The following OSBPL5 variants were observed in gnomAD, a reference collection of about 807,000 sequenced individuals.
OSBPL5 encodes the protein oxysterol-binding protein-related protein 5.
A neutral mutation model predicts 111.2 loss-of-function variants in OSBPL5; 71 were observed. The observed-to-expected ratio is 0.64, with a 90% confidence interval of 0.53 to 0.78. The LOEUF is 0.78. Among genes scored for constraint, OSBPL5 ranks in the 30% least tolerant of loss-of-function variants. The probability of loss-of-function intolerance (pLI) is 0.00; values close to 1 mark genes in which losing one functional copy is unlikely to be tolerated. For synonymous variants in OSBPL5, 549 were observed against 513.9 expected (o/e 1.07, Z -0.93); for missense variants, 1,210 against 1,189.3 (o/e 1.02, Z -0.26).
chr11:3,141,449 C>A lies in OSBPL5; in HGVS notation c.-21-12280G>T, dbSNP rs1247940532. ...CTCAGAACAGAGCTTCCAGAAGGGC[C>A]CCCAATCTGTCTCTCAGGAAATGGG... On this transcript the variant is annotated intron_variant, in intron 1 of 21. Coordinates refer to ENST00000263650, the MANE Select transcript of OSBPL5 (RefSeq NM_020896.4). This position sits in a 1 kb window ranked among gnomAD's most constrained non-coding sequence, Gnocchi z 6.5. 2.6e-5 allele frequency among the ~76,000 whole-genome samples: 4 copies of A among 152,096 alleles called. No homozygotes were observed. Among genetic ancestry groups the A allele is most frequent in the Admixed American group, 6.6e-5 (1 of 15,266 alleles).
At chr11:3,134,762 C>T (rs2134495267) in intron 1 of OSBPL5, among the ~76,000 whole-genome samples, 1 of 139,584 alleles carries the variant, frequency 7.2e-6, no homozygotes, top group East Asian at 2.2e-4. Flanking sequence ...GCTTCAGCTG[C>T]GTGAGTGGGT....
intron 1 of OSBPL5, among the ~76,000 whole-genome samples, chr11:3,152,399 G>A (rs1846619594): frequency 6.6e-6 from 1 of 152,216 alleles, no homozygotes. Context: ...AGGTGACACT[G>A]GATTGCCAAG....
At position 3,103,213 on chromosome 11, in the gene OSBPL5, A is replaced by C. The variant is rs114966390; in HGVS notation, c.1326+26T>G. 6.5e-3 allele frequency: 10,314 copies of C among 1,575,660 alleles called. 583 individuals are homozygous for C. The African/African-American group carries it at 0.12, about 19-fold the overall frequency. ...AGACAGACTCCTGGGCCGGAGCCCC[A>C]CCCTCCCTGGCTGGCAGGGGCTCAC... On this transcript the variant is annotated intron_variant, in intron 11 of 21. Coordinates refer to ENST00000263650, the MANE Select transcript of OSBPL5 (RefSeq NM_020896.4).
At chr11:3,093,923 C>G (rs1039546822) in intron 15 of OSBPL5, 88 bp from the exon 16 acceptor site, 6 of 1,475,114 alleles carry the variant, frequency 4.1e-6, no homozygotes, top group Non-Finnish European at 5.5e-6. Context: ...AACAGTTATT[C>G]TCTTGGGGTG....
intron 1 of OSBPL5, among the ~76,000 whole-genome samples, chr11:3,153,976 C>T (rs959837763): frequency 6.6e-6 from 1 of 152,256 alleles, no homozygotes; most frequent in Admixed American, 6.5e-5. Flanking sequence ...TACCGGCTCC[C>T]CAACAGCGCC....
At chr11:3,124,807 GATGA>G (rs1225015371) in intron 3 of OSBPL5, among the ~76,000 whole-genome samples, 3 of 142,018 alleles carry the variant, frequency 2.1e-5, no homozygotes, top group African/African-American at 8.1e-5. Context: ...TGAATGAATG[GATGA>G]ATGGATGGAT....
At position 3,102,156 on chromosome 11, in the gene OSBPL5, G is replaced by C. The variant is rs758267589; in HGVS notation, c.1425+27C>G. The stretch of plus-strand genomic sequence containing the variant: ...CCCGCCCCATAGAGCCCAGCACCCA[G>C]GCCGGTTGCAGCAGAGGTGCTCTTG... On this transcript the variant is annotated intron_variant, in intron 12 of 21. Coordinates refer to ENST00000263650, the MANE Select transcript of OSBPL5 (RefSeq NM_020896.4). The C allele has an allele frequency of 6.4e-6, 10 of 1,564,024 alleles. No individual in the cohort carries two copies. The Admixed American group carries it at 1.9e-4, about 30-fold the overall frequency.
chr11:3,103,716 AG>A lies in OSBPL5; in HGVS notation c.1245-397del, dbSNP rs1300457187. On this transcript the variant is annotated intron_variant, in intron 10 of 21. Coordinates refer to ENST00000263650, the MANE Select transcript of OSBPL5 (RefSeq NM_020896.4). ...CCTTCCAGCCTGCGTACCCCCTTCC[AG>A]GCTCTGCTGCCCCTTCCTGCCTCTG... Among the ~76,000 whole-genome samples, 155 of 105,950 alleles carry A rather than the reference AG, an allele frequency of 1.5e-3. 5 individuals are homozygous for A. Among genetic ancestry groups the A allele is most frequent in the South Asian group, 3.6e-3 (11 of 3,062 alleles). 69.5% of individuals were successfully genotyped at this position (105,950 alleles called of 152,430 possible). A position where few individuals can be genotyped will look rare whatever the true frequency, so the allele number is the denominator to read the frequency against.
At chr11:3,117,875 G>A (rs1858265308) in intron 7 of OSBPL5, among the ~76,000 whole-genome samples, 1 of 152,092 alleles carries the variant, frequency 6.6e-6, no homozygotes, top group Non-Finnish European at 1.5e-5. Flanking sequence ...ACATACATAA[G>A]CCACTTTCTT....
rs115300491 is a variant in OSBPL5 at position 3,101,354 on chromosome 11, T to C, written c.1522+249A>G. ...CTCAGCCCCAGTCCGCACCTTTCCA[T>C]GTAGGTGCCCTCTCTCAGTCCCCAC... On this transcript the variant is annotated intron_variant, in intron 13 of 21. Coordinates refer to ENST00000263650, the MANE Select transcript of OSBPL5 (RefSeq NM_020896.4). Among the ~76,000 whole-genome samples, 945 of 152,272 alleles carry C rather than the reference T, an allele frequency of 6.2e-3. 9 individuals are homozygous for C. Among genetic ancestry groups the C allele is most frequent in the African/African-American group, 0.022 (898 of 41,552 alleles).
chr11:3,122,256 C>T, intron 4 of OSBPL5, 92 bp downstream of exon 4: 1 of 1,441,336 alleles, frequency 6.9e-7, no homozygotes, highest in South Asian at 1.3e-5. Context: ...TTTGTCCCCT[C>T]CTTTTGACAG....
At chr11:3,128,525 A>G (rs1321589905) in intron 2 of OSBPL5, among the ~76,000 whole-genome samples, 2 of 152,154 alleles carry the variant, frequency 1.3e-5, no homozygotes, top group Admixed American at 6.5e-5. Flanking sequence ...CTTTATCTAC[A>G]ATTGCACGAA....
intron 1 of OSBPL5, chr11:3,164,479 G>A (rs1445741617): frequency 6.6e-6 from 1 of 152,612 alleles, no homozygotes; most frequent in African/African-American, 2.4e-5. Context: ...TTGCCCGGGG[G>A]GCTGCAGACT....
chr11:3,101,688 G>A lies in OSBPL5; in HGVS notation c.1437C>T (p.His479=). Residue 479 remains histidine, a synonymous_variant, in exon 13 of 22, where the codon CAC becomes CAT. Transcript: ENST00000263650. ...TFYIAEQVSH[H]PPVSAFHVSN... ...TGACGTGGAAGGCAGACACGGGCGG[G>A]TGGTGGGACACCTGCGTGCAGGGAG... The A allele has an allele frequency of 6.2e-7, 1 of 1,613,708 alleles. No individual in the cohort carries two copies. The highest frequency in any genetic ancestry group is 1.1e-5 in the South Asian group (1 of 91,084).
intron 17 of OSBPL5, chr11:3,093,269 C>T (rs1857127277): frequency 5.4e-6 from 4 of 738,962 alleles, no homozygotes; most frequent in Admixed American, 3.0e-5. Flanking sequence ...CTGCAGGGAC[C>T]TCCCTGTGCA....
intron 7 of OSBPL5, among the ~76,000 whole-genome samples, chr11:3,112,000 T>TGC (rs1554898165): frequency 8.6e-6 from 1 of 116,298 alleles, no homozygotes; most frequent in Non-Finnish European, 2.0e-5. Context: ...TGTGCATGTG[T>TGC]GTGTGTGTGC....
At chr11:3,095,248 T>C (rs1418120448) in intron 14 of OSBPL5, among the ~76,000 whole-genome samples, 1 of 144,104 alleles carries the variant, frequency 6.9e-6, no homozygotes, top group Non-Finnish European at 1.5e-5. Context: ...GAGGCGGAGG[T>C]TGTAGTGAGC....
chr11:3,163,565 G>C lies in OSBPL5; in HGVS notation c.-22+1651C>G, dbSNP rs529509828. Among the ~76,000 whole-genome samples, 4 of 152,328 alleles carry C rather than the reference G, an allele frequency of 2.6e-5. No homozygotes were observed. In the South Asian group the frequency reaches 8.3e-4, roughly 32 times the overall value. On this transcript the variant is annotated intron_variant, in intron 1 of 21. Transcript: ENST00000263650. Reference sequence around the variant, plus strand: ...GTCTTGCGTTGGTATTCTGTAAAGAGCTGAAAGCAGTCCTTTGAAGAACAT... The same window carrying C: ...GTCTTGCGTTGGTATTCTGTAAAGACCTGAAAGCAGTCCTTTGAAGAACAT...
Position 3,114,869 on chromosome 11 carries a change from TG to T in OSBPL5, c.691+4677del, listed in dbSNP as rs567336699. Among the ~76,000 whole-genome samples, 710 of 152,220 alleles carry T rather than the reference TG, an allele frequency of 4.7e-3. 8 individuals are homozygous for T. The highest frequency in any genetic ancestry group is 0.016 in the African/African-American group (679 of 41,514). Reference sequence around the variant, plus strand: ...TCCTGCCTCGGCCTCCCAAAAGTGCTGGGATTACAGGCATGAGCCACCGCAC... The same window carrying T: ...TCCTGCCTCGGCCTCCCAAAAGTGCTGGATTACAGGCATGAGCCACCGCAC... On this transcript the variant is annotated intron_variant, in intron 7 of 21. Transcript: ENST00000263650.
Sources: allele counts gnomAD v4.1 joint callset (sites outside exome capture counted in the v4.1 genomes callset), GRCh38; gene constraint gnomAD v4.1.1; non-coding constraint Gnocchi (gnomAD v3.1); transcripts MANE v1.5; gene names NCBI Gene and HGNC (gene_info 2026-07-23, HGNC 2026-07-21).